The following ASXL3 variants were observed in gnomAD, a reference collection of about 807,000 sequenced individuals.
The protein encoded by ASXL3 is ASXL transcriptional regulator 3.
Under a neutral mutation model 170.6 loss-of-function variants are expected in ASXL3, and 34 were observed. The ratio of observed to expected loss-of-function variants is 0.20; its 90% CI spans 0.15 to 0.27. The LOEUF is 0.27. ASXL3 is among the 10% of genes least tolerant of loss of function. ASXL3 has a pLI of 1.00. For missense variants in ASXL3, 2,592 were observed against 2,695.3 expected (o/e 0.96, Z 0.85); for synonymous variants, 1,002 against 989.1 (o/e 1.01, Z -0.24).
At chr18:33,597,264 T>A (rs1224101893) in intron 1 of ASXL3, among the ~76,000 whole-genome samples, 1 of 152,128 alleles carries the variant, frequency 6.6e-6, no homozygotes. Flanking sequence ...TGGGACTTTG[T>A]GGTGTACATG....
Position 33,743,311 on chromosome 18 carries a change from T to C in ASXL3, c.3463T>C (p.Ser1155Pro), listed in dbSNP as rs1568364580. The C allele has an allele frequency of 1.2e-6, 2 of 1,613,932 alleles. No homozygotes were observed. Among genetic ancestry groups the C allele is most frequent in the South Asian group, 1.1e-5 (1 of 91,082 alleles). ...SSTPETKMEG[S>P]TGVIIVNPNC... Reference sequence around the variant, plus strand: ...TACCCCTGAAACAAAAATGGAAGGTTCGACTGGTGTCATTATTGTCAATCC... The same window carrying C: ...TACCCCTGAAACAAAAATGGAAGGTCCGACTGGTGTCATTATTGTCAATCC... The change falls in exon 12 of 12, where the codon TCG becomes CCG. Residue 1155 changes from serine (S) to proline (P), a missense_variant. Transcript: ENST00000269197.
At chr18:33,655,187 C>G (rs1462516117) in intron 4 of ASXL3, among the ~76,000 whole-genome samples, 2 of 152,018 alleles carry the variant, frequency 1.3e-5, no homozygotes, top group East Asian at 1.9e-4. Context: ...AGCATTTTGT[C>G]ACTCATATAT....
chr18:33,719,926 G>C (rs1233632758), intron 8 of ASXL3, among the ~76,000 whole-genome samples: 2 of 152,020 alleles, frequency 1.3e-5, no homozygotes, highest in African/African-American at 4.8e-5. Flanking sequence ...TTGCAGACCA[G>C]ACAGACTAAG....
chr18:33,660,772 G>C (rs1599459726), intron 4 of ASXL3, among the ~76,000 whole-genome samples: 1 of 152,130 alleles, frequency 6.6e-6, no homozygotes. Flanking sequence ...CCATTTCAGT[G>C]TTAAAGTCTC....
chr18:33,615,842 T>C (rs1273666637), intron 2 of ASXL3, among the ~76,000 whole-genome samples: 1 of 152,154 alleles, frequency 6.6e-6, no homozygotes, highest in Non-Finnish European at 1.5e-5. Flanking sequence ...AAAGCCTACA[T>C]TACACCTTAC....
chr18:33,635,928 G>T (rs2065755952), intron 2 of ASXL3, among the ~76,000 whole-genome samples: 1 of 152,146 alleles, frequency 6.6e-6, no homozygotes, highest in South Asian at 2.1e-4. Context: ...GGTGTTGCTT[G>T]TCAGGCAATA....
intron 6 of ASXL3, 74 bp from the exon 7 acceptor site, chr18:33,671,673 T>C: frequency 7.3e-7 from 1 of 1,366,612 alleles, no homozygotes; most frequent in Non-Finnish European, 9.9e-7. Context: ...CTACAGTTCC[T>C]CAAACAATTT....
chr18:33,596,138 A>G (rs12961258), intron 1 of ASXL3, among the ~76,000 whole-genome samples: 1 of 152,150 alleles, frequency 6.6e-6, no homozygotes, highest in Non-Finnish European at 1.5e-5. Flanking sequence ...TTATAAAACC[A>G]CCACTAGAAA....
intron 4 of ASXL3, among the ~76,000 whole-genome samples, chr18:33,656,549 T>C (rs2066087403): frequency 6.6e-6 from 1 of 152,130 alleles, no homozygotes. Flanking sequence ...ACACAGCTTC[T>C]GCCATTTTAT....
intron 8 of ASXL3, chr18:33,690,275 G>A (rs1377167390): frequency 1.3e-5 from 2 of 152,094 alleles, no homozygotes; most frequent in Non-Finnish European, 2.9e-5. Context: ...AGAAGCCATG[G>A]TTCCCATTAG....
At chr18:33,595,986 A>T (rs2065122685) in intron 1 of ASXL3, among the ~76,000 whole-genome samples, 1 of 152,194 alleles carries the variant, frequency 6.6e-6, no homozygotes, top group Non-Finnish European at 1.5e-5. Flanking sequence ...AGGGAATAAT[A>T]AACTGAGTAC....
intron 4 of ASXL3, among the ~76,000 whole-genome samples, chr18:33,649,242 C>T (rs887880036): frequency 2.0e-5 from 3 of 151,958 alleles, no homozygotes; most frequent in African/African-American, 7.2e-5. Context: ...TGGGACTATT[C>T]AGCAAATGGA....
chr18:33,692,709 A>G (rs1432780459), intron 8 of ASXL3, among the ~76,000 whole-genome samples: 2 of 152,164 alleles, frequency 1.3e-5, no homozygotes, highest in African/African-American at 2.4e-5. Flanking sequence ...TTTGCCTAGC[A>G]CATAGTAGGT....
At chr18:33,642,174 G>T (rs765188230) in intron 2 of ASXL3, among the ~76,000 whole-genome samples, 2 of 151,664 alleles carry the variant, frequency 1.3e-5, no homozygotes, top group Non-Finnish European at 1.5e-5. Flanking sequence ...AATTACATAA[G>T]ACTTATATTT....
At chr18:33,592,292 CTT>C (rs752464039) in intron 1 of ASXL3, among the ~76,000 whole-genome samples, 2 of 152,068 alleles carry the variant, frequency 1.3e-5, no homozygotes, top group Non-Finnish European at 2.9e-5. Flanking sequence ...AGAAAAAAGT[CTT>C]TAAGTTATTT....
At chr18:33,722,218 A>G (rs192290540) in intron 8 of ASXL3, among the ~76,000 whole-genome samples, 117 of 152,254 alleles carry the variant, frequency 7.7e-4, no homozygotes, top group Non-Finnish European at 1.3e-3. Context: ...AGTGAAAGAA[A>G]AAGTTGCATA....
chr18:33,636,096 G>A (rs192031582), intron 2 of ASXL3, among the ~76,000 whole-genome samples: 10 of 152,268 alleles, frequency 6.6e-5, no homozygotes, highest in African/African-American at 2.2e-4. Flanking sequence ...ATCTTAGGTC[G>A]TAAAAGGCTT....
chr18:33,653,420 T>G (rs1216735493), intron 4 of ASXL3, among the ~76,000 whole-genome samples: 1 of 152,110 alleles, frequency 6.6e-6, no homozygotes, highest in Non-Finnish European at 1.5e-5. Flanking sequence ...ACAGCTTTGT[T>G]TGCTCATGGA....
intron 7 of ASXL3, among the ~76,000 whole-genome samples, chr18:33,679,993 G>C (rs2066489664): frequency 6.6e-6 from 1 of 151,692 alleles, no homozygotes; most frequent in South Asian, 2.1e-4. Flanking sequence ...ACGAATGTCT[G>C]CTTTTTTCTT....
Sources: allele counts gnomAD v4.1 joint callset (sites outside exome capture counted in the v4.1 genomes callset), GRCh38; gene constraint gnomAD v4.1.1; transcripts MANE v1.5; gene names NCBI Gene and HGNC (gene_info 2026-07-23, HGNC 2026-07-21).